The following CEP112 variants were observed in gnomAD, a reference collection of about 807,000 sequenced individuals.
CEP112 encodes centrosomal protein 112.
A neutral mutation model predicts 153.0 loss-of-function variants in CEP112; 127 were observed. The ratio of observed to expected loss-of-function variants is 0.83; its 90% CI spans 0.72 to 0.96. The LOEUF (loss-of-function observed/expected upper bound fraction) is 0.96. CEP112 is among the 40% of genes least tolerant of loss of function. CEP112 has a pLI of 0.00. For missense variants in CEP112, 1,089 were observed against 1,101.2 expected (o/e 0.99, Z 0.16); for synonymous variants, 358 against 374.4 (o/e 0.96, Z 0.51).
chr17:65,639,822 TTCTC>T (rs1368137780), intron 25 of CEP112, among the ~76,000 whole-genome samples: 5 of 148,720 alleles, frequency 3.4e-5, no homozygotes, highest in Admixed American at 2.1e-4. Flanking sequence ...TTTCTTTTTT[TTCTC>T]TCTTTCTTTC....
chr17:66,186,790 A>G (rs2072952801), intron 1 of CEP112, among the ~76,000 whole-genome samples: 2 of 152,194 alleles, frequency 1.3e-5, no homozygotes, highest in Admixed American at 6.5e-5. Flanking sequence ...AGCAACTTTA[A>G]AACTTTTCCC....
At chr17:66,163,725 C>T (rs992042313) in intron 4 of CEP112, among the ~76,000 whole-genome samples, 1 of 152,044 alleles carries the variant, frequency 6.6e-6, no homozygotes, top group East Asian at 1.9e-4. Context: ...AAAAATCGTA[C>T]ATTTAAATCA....
chr17:65,961,668 T>A, intron 17 of CEP112, 70 bp from the exon 18 acceptor site: 1 of 1,329,256 alleles, frequency 7.5e-7, no homozygotes, highest in Non-Finnish European at 1.0e-6. Context: ...GAACAATATT[T>A]AACCCCCTCT....
At chr17:65,756,753 G>GT (rs1374312089) in intron 21 of CEP112, among the ~76,000 whole-genome samples, 1 of 152,116 alleles carries the variant, frequency 6.6e-6, no homozygotes, top group African/African-American at 2.4e-5. Flanking sequence ...TTGTTTTTTG[G>GT]TAAGTTGAGG....
At chr17:65,698,597 C>A (rs2048468365) in intron 23 of CEP112, among the ~76,000 whole-genome samples, 1 of 152,110 alleles carries the variant, frequency 6.6e-6, no homozygotes, top group Non-Finnish European at 1.5e-5. Flanking sequence ...CACAAAAGAC[C>A]ATCCTGACAT....
At chr17:65,808,803 C>A (rs1407632958) in intron 21 of CEP112, among the ~76,000 whole-genome samples, 1 of 152,138 alleles carries the variant, frequency 6.6e-6, no homozygotes, top group Non-Finnish European at 1.5e-5. Context: ...GTTAAGCCTG[C>A]AGAACTGTGA....
At chr17:66,055,500 T>C (rs2066643046) in intron 11 of CEP112, among the ~76,000 whole-genome samples, 1 of 152,168 alleles carries the variant, frequency 6.6e-6, no homozygotes, top group Non-Finnish European at 1.5e-5. Context: ...TCGAGTGACA[T>C]GATAGTAACT....
chr17:66,077,154 T>G (rs2067533358), intron 8 of CEP112, among the ~76,000 whole-genome samples: 1 of 151,666 alleles, frequency 6.6e-6, no homozygotes, highest in African/African-American at 2.4e-5. Flanking sequence ...TTAACACCCA[T>G]CAAAAAAATC....
At chr17:65,788,521 G>A (rs1215020833) in intron 21 of CEP112, among the ~76,000 whole-genome samples, 2 of 152,048 alleles carry the variant, frequency 1.3e-5, no homozygotes, top group Non-Finnish European at 2.9e-5. Flanking sequence ...AATCATTTGA[G>A]TCTGATGTTT....
intron 20 of CEP112, 67 bp downstream of exon 20, chr17:65,902,085 A>G (rs1598942778): frequency 3.3e-6 from 4 of 1,224,738 alleles, no homozygotes; most frequent in Non-Finnish European, 4.6e-6. Context: ...GAATAATAAG[A>G]AAACATTAAA....
At chr17:65,969,543 A>G (rs769356574) in intron 17 of CEP112, among the ~76,000 whole-genome samples, 1 of 152,080 alleles carries the variant, frequency 6.6e-6, no homozygotes. Flanking sequence ...TATGTTACTT[A>G]AATGAATATT....
At chr17:65,676,761 T>C (rs964082221) in intron 24 of CEP112, among the ~76,000 whole-genome samples, 4 of 152,236 alleles carry the variant, frequency 2.6e-5, no homozygotes, top group Non-Finnish European at 4.4e-5. Context: ...CTCATTTACC[T>C]TCCTGTTTAT....
intron 18 of CEP112, among the ~76,000 whole-genome samples, chr17:65,944,207 T>A (rs765504358): frequency 1.3e-5 from 2 of 152,182 alleles, no homozygotes; most frequent in Non-Finnish European, 2.9e-5. Flanking sequence ...AAATAGCTAA[T>A]GCATGTGGGT....
intron 24 of CEP112, among the ~76,000 whole-genome samples, chr17:65,645,688 A>G (rs2045392892): frequency 1.3e-5 from 2 of 152,206 alleles, no homozygotes; most frequent in Admixed American, 1.3e-4. Context: ...CACTGTGAAG[A>G]GCTGTTATAA....
intron 23 of CEP112, among the ~76,000 whole-genome samples, chr17:65,712,942 T>C (rs1339694309): frequency 6.6e-6 from 1 of 152,156 alleles, no homozygotes; most frequent in African/African-American, 2.4e-5. Flanking sequence ...TTGGCTAATG[T>C]TGGGTCAGGA....
chr17:65,688,947 T>C (rs1332201503), intron 24 of CEP112, 182 bp downstream of exon 24: 18 of 441,108 alleles, frequency 4.1e-5, no homozygotes, highest in Non-Finnish European at 7.0e-5. Context: ...TTTGTATTTT[T>C]AGTAGAGACA....
intron 21 of CEP112, among the ~76,000 whole-genome samples, chr17:65,829,325 C>T (rs1466742193): frequency 1.3e-5 from 2 of 152,080 alleles, no homozygotes; most frequent in Admixed American, 6.5e-5. Context: ...ATCAGGCAAA[C>T]CAGGCCCATA....
At chr17:66,093,219 G>A (rs1373613256) in intron 8 of CEP112, among the ~76,000 whole-genome samples, 1 of 152,136 alleles carries the variant, frequency 6.6e-6, no homozygotes, top group Non-Finnish European at 1.5e-5. Context: ...GCAAATGCCT[G>A]TAATGCCAGC....
intron 17 of CEP112, among the ~76,000 whole-genome samples, chr17:65,964,709 GCT>G (rs370695807): frequency 0.48 from 72,766 of 151,694 alleles, 18,418 homozygotes; most frequent in East Asian, 0.89. Context: ...ATGAAAGGGT[GCT>G]GTGGCACTGT....
Sources: gnomAD v4.1 joint callset for allele counts (sites outside exome capture counted in the v4.1 genomes callset) on GRCh38, gnomAD v4.1.1 for gene constraint, MANE v1.5 for transcripts, NCBI Gene and HGNC (gene_info 2026-07-23, HGNC 2026-07-21) for gene names.